Variants in CEP128 observed in about 807,000 individuals in gnomAD.
The protein encoded by CEP128 is centrosomal protein 128, also known as centrosomal protein 128kDa.
CEP128 carries 132 observed loss-of-function variants against 156.7 expected under a neutral mutation model. That is an observed-to-expected ratio of 0.84 (90% CI 0.73 to 0.97). CEP128 has a LOEUF of 0.97. Ranked by LOEUF, CEP128 falls within the 50% of genes least tolerant of loss-of-function variation. The pLI, the probability that CEP128 is intolerant of heterozygous loss-of-function variation, is 0.00. For missense variants in CEP128, 1,252 were observed against 1,281.9 expected (o/e 0.98, Z 0.36); for synonymous variants, 469 against 448.9 (o/e 1.04, Z -0.57).
Position 80,838,074 on chromosome 14 carries a change from A to C in CEP128, c.924+130T>G, listed in dbSNP as rs954682862. The C allele has an allele frequency of 1.6e-5, 10 of 630,544 alleles. No individual in the cohort carries two copies. The Admixed American group carries it at 2.3e-4, about 14-fold the overall frequency. The allele number at this position is 630,544 out of a possible 1,614,324, so 39.1% of individuals were successfully genotyped here. On this transcript the variant is annotated intron_variant, in intron 11 of 24. Coordinates refer to ENST00000555265, the MANE Select transcript of CEP128 (RefSeq NM_152446.5). ...TTTTATCCTTTGCTTAGGTGTGCTA[A>C]TATACATTCCTTAGGAAAACATTTT...
rs57402112 is a variant in CEP128 at position 80,596,819 on chromosome 14, C to CAAAAAAAAAAA, written c.2807-16407_2807-16397dup. On this transcript the variant is annotated intron_variant, in intron 19 of 24. Coordinates refer to ENST00000555265, the MANE Select transcript of CEP128 (RefSeq NM_152446.5). ...TCTGAGTAACAGTGAGACACTGTCA[C>CAAAAAAAAAAA]AAAAAAAAAAAAAAAAAAAAAAAGG... Among the ~76,000 whole-genome samples, 66 of 14,050 alleles carry CAAAAAAAAAAA rather than the reference C, an allele frequency of 4.7e-3. 24 individuals carry two copies. Among genetic ancestry groups the CAAAAAAAAAAA allele is most frequent in the African/African-American group, 0.013 (29 of 2,272 alleles). The allele number at this position is 14,050 out of a possible 152,430, so 9.2% of individuals were successfully genotyped here.
chr14:80,647,224 C>T (rs1448551523), intron 19 of CEP128, among the ~76,000 whole-genome samples: 2 of 150,888 alleles, frequency 1.3e-5, no homozygotes, highest in Non-Finnish European at 3.0e-5. Flanking sequence ...TATATTATCA[C>T]CTTAAAAAAT....
At chr14:80,504,858 T>C (rs940559824) in intron 24 of CEP128, 54 bp downstream of exon 24, 5 of 889,624 alleles carry the variant, frequency 5.6e-6, no homozygotes, top group East Asian at 2.6e-5. Context: ...TTTTCCCATG[T>C]GTTGCATTTT....
chr14:80,551,422 C>G (rs973669363), intron 21 of CEP128, among the ~76,000 whole-genome samples: 1 of 152,134 alleles, frequency 6.6e-6, no homozygotes, highest in South Asian at 2.1e-4. Context: ...ATATAAACCC[C>G]AGACCTACAG....
chr14:80,755,190 C>A (rs1483700687), intron 18 of CEP128, among the ~76,000 whole-genome samples: 1 of 152,164 alleles, frequency 6.6e-6, no homozygotes, highest in South Asian at 2.1e-4. Flanking sequence ...ATGCTGGATG[C>A]TTCCTGCCCT....
chr14:80,893,634 T>C (rs970339345), intron 8 of CEP128, among the ~76,000 whole-genome samples: 2 of 151,918 alleles, frequency 1.3e-5, no homozygotes, highest in African/African-American at 4.8e-5. Flanking sequence ...AAAATAAAAT[T>C]TACAAAACAA....
intron 13 of CEP128, among the ~76,000 whole-genome samples, chr14:80,825,330 A>C (rs1218439894): frequency 6.6e-6 from 1 of 152,200 alleles, no homozygotes; most frequent in Admixed American, 6.5e-5. Context: ...GCTGGTCTTG[A>C]ACTTCTAAGC....
intron 13 of CEP128, chr14:80,822,474 G>C (rs1242622223): frequency 3.6e-6 from 2 of 563,080 alleles, no homozygotes; most frequent in Non-Finnish European, 6.8e-6. Context: ...ACCAACCAAA[G>C]CCCGTGCACC....
At chr14:80,892,999 C>A (rs1889175100) in intron 8 of CEP128, among the ~76,000 whole-genome samples, 1 of 151,950 alleles carries the variant, frequency 6.6e-6, no homozygotes, top group Admixed American at 6.6e-5. Flanking sequence ...GAAATAAAAT[C>A]ATCACCTTGT....
In CEP128 at chr14:80,626,257, G is replaced by A. The variant is rs545699644; in HGVS notation, c.2807-45834C>T. ...AGGCGGGTGGATCATGAGGTCAGGA[G>A]ATCGAGACCATCCTGGCTAACAAGG... is the stretch of plus-strand genomic sequence containing the variant. On this transcript the variant is annotated intron_variant, in intron 19 of 24. Coordinates refer to ENST00000555265, the MANE Select transcript of CEP128 (RefSeq NM_152446.5). Among the ~76,000 whole-genome samples, 333 of 151,758 alleles carry A rather than the reference G, an allele frequency of 2.2e-3. 1 individual carries two copies. Among genetic ancestry groups the A allele is most frequent in the Middle Eastern group, 3.4e-3 (1 of 292 alleles).
At chr14:80,489,388 C>T (rs919602800), downstream of CEP128, among the ~76,000 whole-genome samples, 9 of 151,650 alleles carry the variant, frequency 5.9e-5, no homozygotes, top group African/African-American at 2.2e-4. Flanking sequence ...CCCCTTCTAA[C>T]TGGCACACAC....
In CEP128 at chr14:80,716,373, G is replaced by T. The variant is rs554299171; in HGVS notation, c.2806+26702C>A. 5.7e-4 allele frequency among the ~76,000 whole-genome samples: 87 copies of T among 152,226 alleles called. 1 individual carries two copies. The South Asian group carries it at 0.018, about 31-fold the overall frequency. On this transcript the variant is annotated intron_variant, in intron 19 of 24. Coordinates refer to ENST00000555265, the MANE Select transcript of CEP128 (RefSeq NM_152446.5). ...CATATCACCCATCACGTTGACTCTC[G>T]TAGTCATGCAGTTATTTATTTCATC...
chr14:80,818,077 T>C (rs761408326), intron 13 of CEP128, among the ~76,000 whole-genome samples: 3 of 152,148 alleles, frequency 2.0e-5, no homozygotes, highest in Non-Finnish European at 4.4e-5. Context: ...CTAAGTGCAG[T>C]GGTGTGATCA....
chr14:80,694,072 AC>A (rs1896805982), intron 19 of CEP128, among the ~76,000 whole-genome samples: 1 of 152,230 alleles, frequency 6.6e-6, no homozygotes, highest in Non-Finnish European at 1.5e-5. Flanking sequence ...CAAGAAAAAA[AC>A]AAACCCATCA....
chr14:80,628,442 CTT>C (rs1893822950), intron 19 of CEP128, among the ~76,000 whole-genome samples: 1 of 152,090 alleles, frequency 6.6e-6, no homozygotes, highest in African/African-American at 2.4e-5. Context: ...AAATGAGTGT[CTT>C]TTATCATATT....
chr14:80,657,702 G>A (rs1236486910), intron 19 of CEP128, among the ~76,000 whole-genome samples: 1 of 152,000 alleles, frequency 6.6e-6, no homozygotes, highest in Non-Finnish European at 1.5e-5. Context: ...AGAAGTAGCT[G>A]TATTTAGTGT....
Position 80,700,356 on chromosome 14 carries a change from G to T in CEP128, c.2806+42719C>A, listed in dbSNP as rs555802144. On this transcript the variant is annotated intron_variant, in intron 19 of 24. Coordinates refer to ENST00000555265, the MANE Select transcript of CEP128 (RefSeq NM_152446.5). ...ATTAGCTGGGCTGGTCACTTATCTT[G>T]CAGGAAAGACTCACGGTTCCTGCAA... is the stretch of plus-strand genomic sequence containing the variant. 1.3e-4 allele frequency among the ~76,000 whole-genome samples: 20 copies of T among 152,148 alleles called. 1 individual carries two copies. The highest frequency in any genetic ancestry group is 4.3e-4 in the African/African-American group (18 of 41,520).
chr14:80,649,954 G>A (rs369492626), intron 19 of CEP128, among the ~76,000 whole-genome samples: 1 of 152,084 alleles, frequency 6.6e-6, no homozygotes. Context: ...TCTGTGAAGA[G>A]AGTCAATGGT....
chr14:80,806,181 G>A (rs1365456159), intron 13 of CEP128, among the ~76,000 whole-genome samples: 1 of 152,118 alleles, frequency 6.6e-6, no homozygotes, highest in Non-Finnish European at 1.5e-5. Flanking sequence ...AGGTTCTTCA[G>A]TCTTAGTGAT....
Sources: gnomAD v4.1 joint callset for allele counts (sites outside exome capture counted in the v4.1 genomes callset) on GRCh38, gnomAD v4.1.1 for gene constraint, MANE v1.5 for transcripts, NCBI Gene and HGNC (gene_info 2026-07-23, HGNC 2026-07-21) for gene names.